The following MILR1 variants were observed in gnomAD, a reference collection of about 807,000 sequenced individuals.
MILR1 encodes the protein allergin-1.
A neutral mutation model predicts 18.5 loss-of-function variants in MILR1; 31 were observed. The observed-to-expected ratio is 1.68, with a 90% CI of 1.26 to 2.26. The LOEUF (loss-of-function observed/expected upper bound fraction) is 2.26, where lower values mean the gene tolerates loss of function less well. MILR1 is among the 30% of genes most tolerant of loss of function. The pLI, the probability that MILR1 is intolerant of heterozygous loss-of-function variation, is 0.00. For missense variants in MILR1, 257 were observed against 157.4 expected (o/e 1.63, Z -3.38); for synonymous variants, 85 against 56.2 (o/e 1.51, Z -2.30).
chr17:64,485,993 T>G, the MILR1 span: 1 of 806,704 alleles, frequency 1.2e-6, no homozygotes, highest in Non-Finnish European at 2.1e-6. Flanking sequence ...CTCAGCTCCC[T>G]GCAACCTCTG....
intron 4 of MILR1, among the ~76,000 whole-genome samples, chr17:64,460,005 TTTA>T (rs2037393495): frequency 2.3e-3 from 283 of 125,562 alleles, no homozygotes; most frequent in African/African-American, 7.8e-3. Flanking sequence ...TATTTATTTA[TTTA>T]TTTATTTATT....
At position 64,466,669 on chromosome 17, in the gene MILR1, C is replaced by T; in HGVS notation, c.979+7C>T. On this transcript the variant is annotated splice_region_variant and intron_variant, in intron 8 of 9. Coordinates refer to ENST00000619286, the MANE Select transcript of MILR1 (RefSeq NM_001085423.2). ...GTGGCACCAAGAGAGCAAGGTGAGC[C>T]ACAGGTTGGGATAAGAGGTACTGGT... 3 of 1,600,776 alleles carry T rather than the reference C, an allele frequency of 1.9e-6. No homozygotes were observed. Among genetic ancestry groups the T allele is most frequent in the Non-Finnish European group, 2.6e-6 (3 of 1,173,652 alleles).
chr17:64,464,171 T>G (rs2037496541), intron 5 of MILR1, among the ~76,000 whole-genome samples: 1 of 143,308 alleles, frequency 7.0e-6, no homozygotes, highest in Admixed American at 7.3e-5. Context: ...CACCCAAGGC[T>G]GGAGTGCGGT....
At chr17:64,481,307 A>G in the MILR1 span, 1 of 985,374 alleles carries the variant, frequency 1.0e-6, no homozygotes, top group Non-Finnish European at 1.2e-6. Flanking sequence ...ACTATCTCCC[A>G]TCTTCCCAGA....
intron 2 of MILR1, 90 bp downstream of exon 2, chr17:64,449,445 G>A (rs2037116558): frequency 2.4e-6 from 1 of 414,638 alleles, no homozygotes; most frequent in African/African-American, 2.1e-5. Context: ...ATTCAAAAGT[G>A]TTTCTGAGCT....
chr17:64,473,763 A>C, the MILR1 span, among the ~76,000 whole-genome samples: 1 of 152,200 alleles, frequency 6.6e-6, no homozygotes, highest in Admixed American at 6.5e-5. Flanking sequence ...GTTGGAAGGA[A>C]GTTCTGTCAA....
downstream of MILR1, among the ~76,000 whole-genome samples, chr17:64,473,283 G>A (rs575219356): frequency 7.3e-5 from 11 of 151,686 alleles, no homozygotes; most frequent in East Asian, 5.8e-4. Flanking sequence ...CCCGGGAGGC[G>A]GAGCTTGCAG....
At chr17:64,478,280 CATA>C in the MILR1 span, among the ~76,000 whole-genome samples, 7,784 of 152,236 alleles carry the variant, frequency 0.051, 309 homozygotes, top group African/African-American at 0.12. Context: ...AGAAGAACCG[CATA>C]ATAACCTCAG....
the MILR1 span, chr17:64,490,936 C>T: frequency 1.2e-6 from 2 of 1,614,046 alleles, no homozygotes; most frequent in East Asian, 2.2e-5. Context: ...TCCTGACAGT[C>T]ACTGCTGCTG....
chr17:64,466,264 T>G (rs1048212928), intron 6 of MILR1, among the ~76,000 whole-genome samples, 178 bp from the exon 7 acceptor site: 1 of 152,224 alleles, frequency 6.6e-6, no homozygotes, highest in African/African-American at 2.4e-5. Flanking sequence ...GTGGGGATTA[T>G]GGGGACTACA....
rs1434275965 is a variant in MILR1 at position 64,468,579 on chromosome 17, G to A, written c.*298G>A. ...GCTGGAACTACAAGCCTGAGCCACC[G>A]TGCCCGGCCCTGAATCGCTTTAGTA... On this transcript the variant is annotated 3_prime_UTR_variant, in exon 10 of 10. Coordinates refer to ENST00000619286, the MANE Select transcript of MILR1 (RefSeq NM_001085423.2). The A allele has an allele frequency of 5.2e-6, 6 of 1,151,186 alleles. No homozygotes were observed. Among genetic ancestry groups the A allele is most frequent in the Non-Finnish European group, 6.5e-6 (6 of 924,704 alleles). The allele number at this position is 1,151,186 out of a possible 1,614,324, so 71.3% of individuals were successfully genotyped here.
the MILR1 span, among the ~76,000 whole-genome samples, chr17:64,489,897 C>T: frequency 5.3e-5 from 8 of 152,060 alleles, no homozygotes; most frequent in African/African-American, 1.9e-4. Flanking sequence ...AAGTATCTGC[C>T]CACAACACTT....
the MILR1 span, among the ~76,000 whole-genome samples, chr17:64,473,740 T>C: frequency 1.3e-5 from 2 of 152,170 alleles, no homozygotes; most frequent in East Asian, 3.8e-4. Flanking sequence ...AAAAAATTAT[T>C]AAAAGCAATT....
chr17:64,476,456 G>A, the MILR1 span, among the ~76,000 whole-genome samples: 1 of 152,068 alleles, frequency 6.6e-6, no homozygotes, highest in African/African-American at 2.4e-5. Context: ...GAGACAGGAG[G>A]ATCACTTGAG....
the MILR1 span, among the ~76,000 whole-genome samples, chr17:64,487,854 A>C: frequency 4.6e-5 from 7 of 151,924 alleles, no homozygotes; most frequent in Non-Finnish European, 7.4e-5. Flanking sequence ...ACAAACAAAA[A>C]AGATTGTTTA....
At chr17:64,450,108 T>G (rs984094504) in intron 2 of MILR1, among the ~76,000 whole-genome samples, 26 of 151,684 alleles carry the variant, frequency 1.7e-4, no homozygotes, top group African/African-American at 6.3e-4. Flanking sequence ...CTGGCTAATG[T>G]TTTGTATTTT....
chr17:64,453,304 G>A (rs1329731038), intron 3 of MILR1, among the ~76,000 whole-genome samples: 1 of 151,678 alleles, frequency 6.6e-6, no homozygotes, highest in Non-Finnish European at 1.5e-5. Flanking sequence ...CCTGACCTCA[G>A]GTGATCCGCC....
chr17:64,459,976 TTTTTA>T (rs1176626341), intron 4 of MILR1, among the ~76,000 whole-genome samples: 2,271 of 71,664 alleles, frequency 0.032, 24 homozygotes, highest in Non-Finnish European at 0.049. Flanking sequence ...AACTTTATTA[TTTTTA>T]TTTTATTTTA....
At chr17:64,478,566 T>C in the MILR1 span, among the ~76,000 whole-genome samples, 1 of 152,190 alleles carries the variant, frequency 6.6e-6, no homozygotes, top group African/African-American at 2.4e-5. Context: ...TCTCTGTTTA[T>C]TTATTGTCTA....
Sources: allele counts gnomAD v4.1 joint callset (sites outside exome capture counted in the v4.1 genomes callset), GRCh38; gene constraint gnomAD v4.1.1; transcripts MANE v1.5; gene names NCBI Gene and HGNC (gene_info 2026-07-23, HGNC 2026-07-21).